The following C12orf42 variants were observed in gnomAD, a reference collection of about 807,000 sequenced individuals.
The protein encoded by C12orf42 is uncharacterized protein C12orf42.
In C12orf42, 25 loss-of-function variants were observed where a neutral mutation model predicts 21.6. The observed-to-expected ratio is 1.16, with a 90% CI of 0.84 to 1.62. C12orf42 has a LOEUF of 1.62. C12orf42 is among the 40% of genes most tolerant of loss of function. The pLI, the probability that C12orf42 is intolerant of heterozygous loss-of-function variation, is 0.00. For missense variants in C12orf42, 483 were observed against 459.3 expected, an observed-to-expected ratio of 1.05 and a Z score of -0.47; for synonymous variants, 174 against 175.0, an observed-to-expected ratio of 0.99 and a Z score of 0.05.
At chr12:103,441,742 C>T (rs1951260339) in intron 2 of C12orf42, 1 of 152,134 alleles carries the variant, frequency 6.6e-6, no homozygotes, top group African/African-American at 2.4e-5. Context: ...AATGTGAAAA[C>T]AGGAAATGTG....
chr12:103,322,125 GCACACACA>G lies in C12orf42; in HGVS notation c.260-15788_260-15781del, dbSNP rs34616179. ...CACGCGCGTGCGTGCGCGCGCGCGC[GCACACACA>G]CACACACACACACACACGCACACGC... On this transcript the variant is annotated intron_variant, in intron 4 of 5. Transcript: ENST00000548883. Among the ~76,000 whole-genome samples, 521 of 90,560 alleles carry G rather than the reference GCACACACA, an allele frequency of 5.8e-3. 1 individual carries two copies. The highest frequency in any genetic ancestry group is 8.2e-3 in the African/African-American group (179 of 21,714). The allele number at this position is 90,560 out of a possible 152,430, so 59.4% of individuals were successfully genotyped here. A position where few individuals can be genotyped will look rare whatever the true frequency, so the allele number is the denominator to read the frequency against.
intron 10 of C12orf42, among the ~76,000 whole-genome samples, chr12:103,246,918 T>C (rs2034036925): frequency 6.6e-6 from 1 of 152,124 alleles, no homozygotes; most frequent in South Asian, 2.1e-4. Context: ...TATTTATTCC[T>C]AGCAGGTATG....
At chr12:103,095,929 T>A in the C12orf42 span, among the ~76,000 whole-genome samples, 1 of 152,148 alleles carries the variant, frequency 6.6e-6, no homozygotes, top group Non-Finnish European at 1.5e-5. Flanking sequence ...GATTGCCCAG[T>A]TCTGTGGGTC....
At chr12:103,255,769 T>A (rs914179469) in intron 10 of C12orf42, among the ~76,000 whole-genome samples, 1 of 151,190 alleles carries the variant, frequency 6.6e-6, no homozygotes, top group African/African-American at 2.4e-5. Flanking sequence ...AAAGAATATA[T>A]GGCCGGGCGC....
At chr12:103,513,206 C>A in the C12orf42 span, among the ~76,000 whole-genome samples, 2 of 151,902 alleles carry the variant, frequency 1.3e-5, no homozygotes, top group Admixed American at 1.3e-4. Flanking sequence ...CCCGGCCAGG[C>A]AAGGAGAGTC....
the C12orf42 span, among the ~76,000 whole-genome samples, chr12:103,225,428 G>A: frequency 1.4e-4 from 21 of 152,270 alleles, no homozygotes; most frequent in Admixed American, 2.0e-4. Flanking sequence ...GGATATTGGC[G>A]TTGAGTAGGG....
the C12orf42 span, among the ~76,000 whole-genome samples, chr12:103,216,622 C>T: frequency 6.6e-6 from 1 of 151,988 alleles, no homozygotes; most frequent in South Asian, 2.1e-4. Flanking sequence ...TCGTGATCCA[C>T]CCGCCTCGGC....
intron 2 of C12orf42, among the ~76,000 whole-genome samples, chr12:103,432,264 C>A (rs974779765): frequency 6.6e-6 from 1 of 152,162 alleles, no homozygotes; most frequent in African/African-American, 2.4e-5. Context: ...ATCTTAGCCA[C>A]AAGATGCTTA....
At chr12:103,298,807 T>C (rs1249042765), downstream of C12orf42, among the ~76,000 whole-genome samples, 4 of 152,216 alleles carry the variant, frequency 2.6e-5, no homozygotes, top group African/African-American at 9.6e-5. Context: ...ATCTTAAAAG[T>C]GCTGCCATCT....
At chr12:103,340,567 A>C (rs974014038) in intron 4 of C12orf42, among the ~76,000 whole-genome samples, 1 of 152,240 alleles carries the variant, frequency 6.6e-6, no homozygotes, top group Non-Finnish European at 1.5e-5. Context: ...AGAAGGCAAA[A>C]ATATCCAGCA....
chr12:103,299,632 C>A (rs1343076325), downstream of C12orf42, among the ~76,000 whole-genome samples: 2 of 152,132 alleles, frequency 1.3e-5, no homozygotes, highest in Admixed American at 1.3e-4. Flanking sequence ...TTATTTTTTA[C>A]AATAGGACCT....
At chr12:103,116,251 C>A in the C12orf42 span, among the ~76,000 whole-genome samples, 2 of 151,818 alleles carry the variant, frequency 1.3e-5, no homozygotes, top group African/African-American at 4.8e-5. Context: ...ATAATCCCAG[C>A]TACTCGGGAG....
chr12:103,093,001 C>A, the C12orf42 span, among the ~76,000 whole-genome samples: 1 of 152,214 alleles, frequency 6.6e-6, no homozygotes, highest in South Asian at 2.1e-4. Context: ...ACTTTGGCAT[C>A]TTTTCTCTTT....
chr12:103,416,491 A>G (rs1247260838), intron 2 of C12orf42, among the ~76,000 whole-genome samples: 1 of 152,184 alleles, frequency 6.6e-6, no homozygotes, highest in Non-Finnish European at 1.5e-5. Flanking sequence ...AAGGCAATAC[A>G]GGAATGATAA....
the C12orf42 span, among the ~76,000 whole-genome samples, chr12:103,079,682 T>C: frequency 6.6e-6 from 1 of 152,194 alleles, no homozygotes; most frequent in Admixed American, 6.5e-5. Flanking sequence ...ATAATACATG[T>C]CCATCACAAG....
chr12:103,201,382 G>A, the C12orf42 span, among the ~76,000 whole-genome samples: 2,921 of 152,150 alleles, frequency 0.019, 33 homozygotes, highest in East Asian at 0.027. Flanking sequence ...CCATCCAACC[G>A]CTGAGCTGGG....
At chr12:103,282,204 G>T (rs2036183081) in intron 4 of C12orf42, among the ~76,000 whole-genome samples, 2 of 152,112 alleles carry the variant, frequency 1.3e-5, no homozygotes, top group Non-Finnish European at 2.9e-5. Flanking sequence ...TAACTTCAAA[G>T]AAAATCCTCA....
chr12:103,361,524 G>T (rs2044105603), intron 4 of C12orf42, among the ~76,000 whole-genome samples: 1 of 152,012 alleles, frequency 6.6e-6, no homozygotes, highest in African/African-American at 2.4e-5. Flanking sequence ...AAATCTCCTG[G>T]CCAGAACTCA....
chr12:103,478,031 C>A (rs573086165), intron 2 of C12orf42: 2 of 229,596 alleles, frequency 8.7e-6, no homozygotes, highest in Non-Finnish European at 1.7e-5. Context: ...TTAAAGTGAG[C>A]ACATGTGCCT....
Sources: allele counts gnomAD v4.1 joint callset (sites outside exome capture counted in the v4.1 genomes callset), GRCh38; gene constraint gnomAD v4.1.1; transcripts MANE v1.5; gene names NCBI Gene and HGNC (gene_info 2026-07-23, HGNC 2026-07-21).